Variants in SPIN1 observed in about 807,000 individuals in gnomAD.
The protein encoded by SPIN1 is spindlin 1.
Under a neutral mutation model 26.0 loss-of-function variants are expected in SPIN1, and 3 were observed. That is an observed-to-expected ratio of 0.12 (90% confidence interval 0.05 to 0.30). The LOEUF (loss-of-function observed/expected upper bound fraction) is 0.30. SPIN1 is among the 10% of genes least tolerant of loss of function. SPIN1 has a pLI of 1.00. For synonymous variants in SPIN1, 101 were observed against 116.5 expected, an observed-to-expected ratio of 0.87 and a Z score of 0.86; for missense variants, 126 against 333.4, an observed-to-expected ratio of 0.38 and a Z score of 4.84.
At position 88,477,641 on chromosome 9, in the gene SPIN1, T is replaced by G. The variant is rs1304573558; in HGVS notation, c.*2364T>G. 3.3e-5 allele frequency: 5 copies of G among 152,620 alleles called. No homozygotes were observed. The highest frequency in any genetic ancestry group is 3.3e-4 in the Admixed American group (5 of 15,282). 9.5% of individuals were successfully genotyped at this position (152,620 alleles called of 1,614,324 possible). On this transcript the variant is annotated 3_prime_UTR_variant, in exon 6 of 6. Transcript: ENST00000375859. ...AATTCTGCTCCCAAGCCCTTGTATC[T>G]TGGGCTTCATTTTAGGCTCATGTGT...
At chr9:88,421,782 C>T (rs1423229148) in intron 1 of SPIN1, among the ~76,000 whole-genome samples, 1 of 151,964 alleles carries the variant, frequency 6.6e-6, no homozygotes, top group African/African-American at 2.4e-5. Context: ...TCTAATTTGT[C>T]TGTTTCCTCA....
At chr9:88,464,276 T>G (rs1049850261) in intron 4 of SPIN1, among the ~76,000 whole-genome samples, 2 of 151,654 alleles carry the variant, frequency 1.3e-5, no homozygotes, top group Non-Finnish European at 1.5e-5. Context: ...TTTTTGACAT[T>G]GAAATTGAAA....
intron 3 of SPIN1, among the ~76,000 whole-genome samples, chr9:88,451,622 G>A (rs1374292110): frequency 6.6e-6 from 1 of 152,140 alleles, no homozygotes; most frequent in Non-Finnish European, 1.5e-5. Flanking sequence ...GTGCAGTGGT[G>A]CAATCTTGGT....
chr9:88,473,607 A>T (rs751910460), intron 5 of SPIN1, among the ~76,000 whole-genome samples: 1 of 151,718 alleles, frequency 6.6e-6, no homozygotes, highest in Non-Finnish European at 1.5e-5. Flanking sequence ...TTTCCTAGCC[A>T]TTTTTTGATC....
intron 2 of SPIN1, among the ~76,000 whole-genome samples, chr9:88,447,343 T>C (rs1828271654): frequency 6.6e-6 from 1 of 152,398 alleles, no homozygotes; most frequent in Non-Finnish European, 1.5e-5. Context: ...ATTTCATTCA[T>C]AGTCTACTTG....
intron 5 of SPIN1, among the ~76,000 whole-genome samples, chr9:88,472,233 T>G (rs946222990): frequency 3.9e-5 from 6 of 152,210 alleles, no homozygotes; most frequent in African/African-American, 1.4e-4. Flanking sequence ...TGTAGATCAG[T>G]TTTGAAGAGT....
chr9:88,420,946 A>T (rs898462749), intron 1 of SPIN1, among the ~76,000 whole-genome samples: 1 of 152,202 alleles, frequency 6.6e-6, no homozygotes, highest in Admixed American at 6.5e-5. Context: ...CTGTACACGT[A>T]GCCTCTGCTC....
At chr9:88,474,158 T>C (rs916713029) in intron 5 of SPIN1, among the ~76,000 whole-genome samples, 1 of 152,248 alleles carries the variant, frequency 6.6e-6, no homozygotes, top group Admixed American at 6.5e-5. Context: ...GACTGTCTTA[T>C]GTAGCTGGAT....
intron 1 of SPIN1, among the ~76,000 whole-genome samples, chr9:88,423,630 G>C (rs1181919419): frequency 6.6e-6 from 1 of 151,602 alleles, no homozygotes; most frequent in Non-Finnish European, 1.5e-5. Context: ...GTAGAGACCG[G>C]GTCTCGAACT....
rs540116167 is a variant in SPIN1, at chr9:88,462,847, G to T, written c.355+98G>T. 1.6e-5 allele frequency: 21 copies of T among 1,318,252 alleles called. No homozygotes were observed. The African/African-American group carries it at 2.5e-4, about 16-fold the overall frequency. 81.7% of individuals were successfully genotyped at this position (1,318,252 alleles called of 1,614,324 possible). On this transcript the variant is annotated intron_variant, in intron 4 of 5. Transcript: ENST00000375859. Reference sequence around the variant, plus strand: ...CATTATTAATACTTCACTTTTATTGGAACACAAGCACCCTTCTTGATAAAC... The same window carrying T: ...CATTATTAATACTTCACTTTTATTGTAACACAAGCACCCTTCTTGATAAAC...
chr9:88,419,058 C>T (rs576769674), intron 1 of SPIN1: 1 of 152,292 alleles, frequency 6.6e-6, no homozygotes, highest in South Asian at 2.1e-4. Flanking sequence ...AGTAAAATTG[C>T]AAGCCTGGAT....
intron 1 of SPIN1, among the ~76,000 whole-genome samples, chr9:88,397,158 T>G (rs1460130068): frequency 1.3e-5 from 2 of 152,154 alleles, no homozygotes; most frequent in Non-Finnish European, 1.5e-5. Context: ...GTAATTTACC[T>G]TAGCTTACTG....
At chr9:88,423,915 G>A (rs1459889976) in intron 1 of SPIN1, among the ~76,000 whole-genome samples, 3 of 151,942 alleles carry the variant, frequency 2.0e-5, no homozygotes, top group Admixed American at 1.3e-4. Context: ...AAGGGCATAC[G>A]CCACCATGTT....
intron 4 of SPIN1, among the ~76,000 whole-genome samples, chr9:88,466,353 T>A (rs1828667968): frequency 6.6e-6 from 1 of 152,184 alleles, no homozygotes; most frequent in South Asian, 2.1e-4. Context: ...AGATGAGATC[T>A]CATTATGTTG....
At chr9:88,427,250 AATT>A (rs1219738910) in intron 2 of SPIN1, among the ~76,000 whole-genome samples, 4 of 152,202 alleles carry the variant, frequency 2.6e-5, no homozygotes, top group Non-Finnish European at 5.9e-5. Context: ...AATGAATCAG[AATT>A]ATTCTATAAA....
intron 1 of SPIN1, among the ~76,000 whole-genome samples, chr9:88,398,537 G>A (rs1052113674): frequency 4.6e-5 from 7 of 152,010 alleles, no homozygotes. Flanking sequence ...CTGCACAGGT[G>A]TTTGTCATAC....
In SPIN1 at chr9:88,476,263, G is replaced by A. The variant is rs1041501328; in HGVS notation, c.*986G>A. ...ATCCATCACTGGTTTGTGTGTTTTT[G>A]GTTAAGTTTCTGGAAGAATACAATG... On this transcript the variant is annotated 3_prime_UTR_variant, in exon 6 of 6. Transcript: ENST00000375859. The A allele has an allele frequency of 1.3e-5, 2 of 152,106 alleles. No individual in the cohort carries two copies. Among genetic ancestry groups the A allele is most frequent in the African/African-American group, 4.8e-5 (2 of 41,426 alleles). 9.4% of individuals were successfully genotyped at this position (152,106 alleles called of 1,614,324 possible). A position where few individuals can be genotyped will look rare whatever the true frequency, so the allele number is the denominator to read the frequency against.
At chr9:88,440,545 T>TTCTCTG (rs1469529786) in intron 2 of SPIN1, among the ~76,000 whole-genome samples, 5 of 152,120 alleles carry the variant, frequency 3.3e-5, no homozygotes, top group African/African-American at 7.2e-5. Context: ...TTTCTTTTCT[T>TTCTCTG]TCTCTGTCTC....
rs549279488 is a variant in SPIN1 at position 88,393,900 on chromosome 9, T to C, written c.-159+5362T>C. 2.3e-3 allele frequency among the ~76,000 whole-genome samples: 345 copies of C among 152,180 alleles called. 1 individual carries two copies. The highest frequency in any genetic ancestry group is 1.5e-3 in the Non-Finnish European group (102 of 68,010). ...TCTTGCTCTGTCACCCAGGCTGGAG[T>C]GCAGTGGTGTGACCTTGGCTTACTA... On this transcript the variant is annotated intron_variant, in intron 1 of 5. Coordinates refer to ENST00000375859, the MANE Select transcript of SPIN1 (RefSeq NM_006717.3).
Sources: gnomAD v4.1 joint callset for allele counts (sites outside exome capture counted in the v4.1 genomes callset) on GRCh38, gnomAD v4.1.1 for gene constraint, MANE v1.5 for transcripts, NCBI Gene and HGNC (gene_info 2026-07-23, HGNC 2026-07-21) for gene names.